HIP1: variants seen among roughly 807,000 people sequenced by gnomAD.
The protein encoded by HIP1 is huntingtin-interacting protein 1.
Under a neutral mutation model 147.6 loss-of-function variants are expected in HIP1, and 65 were observed. The ratio of observed to expected loss-of-function variants is 0.44; its 90% confidence interval spans 0.36 to 0.54. The LOEUF (loss-of-function observed/expected upper bound fraction) is 0.54, where lower values mean the gene tolerates loss of function less well. Ranked by LOEUF, HIP1 falls within the 20% of genes least tolerant of loss-of-function variation. The probability of loss-of-function intolerance (pLI) is 0.00; values close to 1 mark genes in which losing one functional copy is unlikely to be tolerated. For missense variants in HIP1, 1,061 were observed against 1,299.6 expected (o/e 0.82, Z 2.82); for synonymous variants, 479 against 504.0 (o/e 0.95, Z 0.67).
At chr7:75,693,007 A>T (rs1481497618) in intron 1 of HIP1, among the ~76,000 whole-genome samples, 2 of 151,872 alleles carry the variant, frequency 1.3e-5, no homozygotes. Flanking sequence ...TCTACCAAAA[A>T]TACAAAAACT....
chr7:75,567,098 C>T (rs1021698988), intron 9 of HIP1, among the ~76,000 whole-genome samples: 4 of 150,082 alleles, frequency 2.7e-5, no homozygotes, highest in Admixed American at 6.6e-5. Context: ...GGTGACAGAG[C>T]GAGACTCTGT....
chr7:75,534,076 A>G lies in HIP1; in HGVS notation c.*4096T>C, dbSNP rs1167828. ...AAATGGAGCCAGGAGACCCCTCTAGACTAAGGAGCTAAGAGGGAACTTCCA... is the reference window on the plus strand; with the variant it reads ...AAATGGAGCCAGGAGACCCCTCTAGGCTAAGGAGCTAAGAGGGAACTTCCA... On this transcript the variant is annotated 3_prime_UTR_variant, in exon 31 of 31. Coordinates refer to ENST00000336926, the MANE Select transcript of HIP1 (RefSeq NM_005338.7). 41,437 of 231,398 alleles carry G rather than the reference A, an allele frequency of 0.18. 4,328 individuals are homozygous for G. The highest frequency in any genetic ancestry group is 0.29 in the Middle Eastern group (226 of 782). The allele number at this position is 231,398 out of a possible 1,614,324, so 14.3% of individuals were successfully genotyped here.
In HIP1 at chr7:75,538,118, C is replaced by A; in HGVS notation, c.*54G>T. 1 of 1,452,038 alleles carries A rather than the reference C, an allele frequency of 6.9e-7. No individual in the cohort carries two copies. Among genetic ancestry groups the A allele is most frequent in the Non-Finnish European group, 9.7e-7 (1 of 1,032,566 alleles). 89.9% of individuals were successfully genotyped at this position (1,452,038 alleles called of 1,614,324 possible). A position where few individuals can be genotyped will look rare whatever the true frequency, so the allele number is the denominator to read the frequency against. On this transcript the variant is annotated 3_prime_UTR_variant, in exon 31 of 31. Coordinates refer to ENST00000336926, the MANE Select transcript of HIP1 (RefSeq NM_005338.7). ...TTGGCCTGTGGCTGGGGAAATAACACACACGAGATAGGTAACAAGGATTTA... is the reference window on the plus strand; with the variant it reads ...TTGGCCTGTGGCTGGGGAAATAACAAACACGAGATAGGTAACAAGGATTTA...
intron 1 of HIP1, among the ~76,000 whole-genome samples, chr7:75,630,416 C>T (rs1249320037): frequency 1.4e-5 from 2 of 147,684 alleles, no homozygotes; most frequent in Non-Finnish European, 3.0e-5. Flanking sequence ...GCTGTGACTA[C>T]ACCACTGCAC....
intron 1 of HIP1, among the ~76,000 whole-genome samples, chr7:75,671,365 A>C (rs1554515284): frequency 6.6e-6 from 1 of 152,162 alleles, no homozygotes; most frequent in East Asian, 1.9e-4. Context: ...AAGTGCTGGG[A>C]TTACAGATGT....
chr7:75,610,943 T>C (rs1584877505), intron 1 of HIP1, among the ~76,000 whole-genome samples: 1 of 150,544 alleles, frequency 6.6e-6, no homozygotes, highest in East Asian at 1.9e-4. Context: ...ACTCCATTTG[T>C]CTCCCAAGCT....
At chr7:75,578,675 C>G (rs1209878419) in intron 7 of HIP1, among the ~76,000 whole-genome samples, 2 of 152,052 alleles carry the variant, frequency 1.3e-5, no homozygotes, top group African/African-American at 2.4e-5. Flanking sequence ...CAGACTATCT[C>G]AAAAGAAACA....
chr7:75,559,197 C>A (rs1351276495), intron 14 of HIP1, among the ~76,000 whole-genome samples: 2 of 152,136 alleles, frequency 1.3e-5, no homozygotes, highest in African/African-American at 4.8e-5. Flanking sequence ...TCACTGCAGC[C>A]TTGAATTCCT....
chr7:75,693,036 G>A (rs1230944660), intron 1 of HIP1, among the ~76,000 whole-genome samples: 6 of 151,596 alleles, frequency 4.0e-5, no homozygotes, highest in African/African-American at 1.2e-4. Context: ...GTGGTGCTAC[G>A]CGCCTGTAAT....
At chr7:75,579,424 T>G (rs1053111492) in intron 7 of HIP1, among the ~76,000 whole-genome samples, 9 of 152,018 alleles carry the variant, frequency 5.9e-5, no homozygotes, top group African/African-American at 1.9e-4. Flanking sequence ...CCTGAGTAGT[T>G]GGGATTACAG....
At chr7:75,572,235 A>C (rs1375882590) in intron 8 of HIP1, among the ~76,000 whole-genome samples, 3 of 152,016 alleles carry the variant, frequency 2.0e-5, no homozygotes, top group African/African-American at 7.2e-5. Context: ...GAAAAAAAAA[A>C]AAAAAAAAGT....
At chr7:75,603,957 C>T (rs1797116273) in intron 1 of HIP1, among the ~76,000 whole-genome samples, 1 of 152,182 alleles carries the variant, frequency 6.6e-6, no homozygotes, top group Non-Finnish European at 1.5e-5. Flanking sequence ...GTACTTCTCT[C>T]CTATGGAGAC....
At chr7:75,706,702 T>C (rs1390422935) in intron 1 of HIP1, among the ~76,000 whole-genome samples, 1 of 118,654 alleles carries the variant, frequency 8.4e-6, no homozygotes, top group Non-Finnish European at 1.7e-5. Context: ...TACATATGTA[T>C]ACATGTGCCA....
intron 13 of HIP1, among the ~76,000 whole-genome samples, chr7:75,560,231 G>A (rs1563203351): frequency 6.6e-6 from 1 of 151,994 alleles, no homozygotes; most frequent in African/African-American, 2.4e-5. Context: ...GCTCACAGCT[G>A]TCTCTTCTCT....
At chr7:75,669,081 A>AC (rs1799652916) in intron 1 of HIP1, among the ~76,000 whole-genome samples, 1 of 146,714 alleles carries the variant, frequency 6.8e-6, no homozygotes, top group African/African-American at 2.5e-5. Flanking sequence ...AACAAAAAAA[A>AC]CAGGCCGGGT....
intron 1 of HIP1, among the ~76,000 whole-genome samples, chr7:75,737,997 G>GA (rs1233506167): frequency 7.2e-5 from 11 of 152,246 alleles, no homozygotes; most frequent in South Asian, 6.2e-4. Flanking sequence ...AAAACTCGGA[G>GA]AAAAAAATGG....
chr7:75,555,390 T>C (rs1794958713), intron 19 of HIP1, 26 bp downstream of exon 19: 9 of 1,612,552 alleles, frequency 5.6e-6, no homozygotes, highest in Non-Finnish European at 7.6e-6. Flanking sequence ...ACCTGGCCCC[T>C]GCCAGCTGGG....
chr7:75,667,244 T>C (rs1799590708), intron 1 of HIP1, among the ~76,000 whole-genome samples: 1 of 152,110 alleles, frequency 6.6e-6, no homozygotes, highest in South Asian at 2.1e-4. Context: ...CCCTGAGAAT[T>C]TGAATAAATA....
chr7:75,709,919 C>T (rs1554520010), intron 1 of HIP1, among the ~76,000 whole-genome samples: 1 of 152,030 alleles, frequency 6.6e-6, no homozygotes, highest in African/African-American at 2.4e-5. Flanking sequence ...GTCATTCTGT[C>T]AGAGTTCAGT....
Sources: gnomAD v4.1 joint callset for allele counts (sites outside exome capture counted in the v4.1 genomes callset) on GRCh38, gnomAD v4.1.1 for gene constraint, MANE v1.5 for transcripts, NCBI Gene and HGNC (gene_info 2026-07-23, HGNC 2026-07-21) for gene names.